FMNL3: variants seen among roughly 807,000 people sequenced by gnomAD.
FMNL3 encodes formin-like protein 3.
Under a neutral mutation model 119.6 loss-of-function variants are expected in FMNL3, and 57 were observed. The ratio of observed to expected loss-of-function variants is 0.48; its 90% CI spans 0.39 to 0.59. The LOEUF is 0.59. FMNL3 is among the 20% of genes least tolerant of loss of function. The pLI is 0.00. For missense variants in FMNL3, 1,053 were observed against 1,323.5 expected (o/e 0.80, Z 3.17); for synonymous variants, 491 against 507.3 (o/e 0.97, Z 0.43).
chr12:49,701,958 G>A (rs1944921116), intron 1 of FMNL3, among the ~76,000 whole-genome samples: 1 of 151,920 alleles, frequency 6.6e-6, no homozygotes, highest in African/African-American at 2.4e-5. Flanking sequence ...ACTAGCCTGG[G>A]AAAACTAATG....
At chr12:49,702,828 C>T (rs1011594311) in intron 1 of FMNL3, among the ~76,000 whole-genome samples, 2 of 152,150 alleles carry the variant, frequency 1.3e-5, no homozygotes, top group African/African-American at 4.8e-5. Context: ...ACTAATTCAC[C>T]ACAATCCTGA....
At position 49,646,910 on chromosome 12, in the gene FMNL3, C is replaced by T. The variant is rs1943216861; in HGVS notation, c.2971G>A (p.Gly991Ser). ...EHRPVYEGKDGTIEDIITGLH... is the reference protein window; with the variant it reads ...EHRPVYEGKDSTIEDIITGLH... ...CCTGTGATGATGTCCTCGATGGTAC[C>T]ATCCTTCCCCTCATAAACAGGCCGG... Residue 991 changes from glycine to serine, a missense_variant, in exon 25 of 26, where the codon GGT becomes AGT. Around this residue, in one of 4 missense-constraint regions of FMNL3, gnomAD observed 324 missense variants for 380.9 expected, o/e 0.85. Coordinates refer to ENST00000335154, the MANE Select transcript of FMNL3 (RefSeq NM_175736.5). 1 of 1,613,930 alleles carries T rather than the reference C, an allele frequency of 6.2e-7. No individual in the cohort carries two copies. Among genetic ancestry groups the T allele is most frequent in the African/African-American group, 1.3e-5 (1 of 74,896 alleles).
Position 49,642,498 on chromosome 12 carries a change from C to A in FMNL3, c.*3317G>T, listed in dbSNP as rs1194906862. The A allele has an allele frequency of 6.3e-7, 1 of 1,580,606 alleles. No individual in the cohort carries two copies. The highest frequency in any genetic ancestry group is 2.2e-5 in the East Asian group (1 of 44,460). ...TCCAGTTCCCTTCCTTTCTCTGCCC[C>A]AGCCCTGCCCTGTGCTCATGGCGGT... On this transcript the variant is annotated 3_prime_UTR_variant, in exon 26 of 26. Coordinates refer to ENST00000335154, the MANE Select transcript of FMNL3 (RefSeq NM_175736.5). The surrounding 1 kb of genome is among the most constrained non-coding windows in gnomAD (Gnocchi z 5.8).
At chr12:49,681,377 A>G (rs752747185) in intron 1 of FMNL3, among the ~76,000 whole-genome samples, 11 of 151,922 alleles carry the variant, frequency 7.2e-5, no homozygotes, top group Non-Finnish European at 8.8e-5. Context: ...AAGTTTTTGT[A>G]TTTTTAGTAG....
intron 1 of FMNL3, among the ~76,000 whole-genome samples, chr12:49,675,071 G>A (rs552578244): frequency 1.3e-5 from 2 of 152,246 alleles, no homozygotes; most frequent in South Asian, 4.2e-4. Flanking sequence ...CCCAAAGTTG[G>A]TAAAGCCTCA....
Position 49,656,828 on chromosome 12 carries a change from A to G in FMNL3, c.786T>C (p.Asn262=). The change falls in exon 8 of 26, where the codon AAT becomes AAC. Residue 262 remains asparagine (N), a synonymous_variant. Transcript: ENST00000335154. ...NEIALSLNNK[N]PRTKALVLEL... is the part of the protein sequence containing the mutation. Reference sequence around the variant, plus strand: ...AGGGGAGGGAAGGAACTCACCTTGGATTCTTGTTATTGAGGCTAAGTGCAA... The same window carrying G: ...AGGGGAGGGAAGGAACTCACCTTGGGTTCTTGTTATTGAGGCTAAGTGCAA... 1 of 1,613,778 alleles carries G rather than the reference A, an allele frequency of 6.2e-7. No individual in the cohort carries two copies. Among genetic ancestry groups the G allele is most frequent in the Non-Finnish European group, 8.5e-7 (1 of 1,179,740 alleles).
intron 1 of FMNL3, among the ~76,000 whole-genome samples, chr12:49,672,447 T>A (rs1356060917): frequency 6.6e-6 from 1 of 152,024 alleles, no homozygotes; most frequent in Non-Finnish European, 1.5e-5. Context: ...CAGCAAAACA[T>A]CTAATAATAA....
At chr12:49,656,790 G>C (rs1290283171) in intron 8 of FMNL3, 33 bp downstream of exon 8, 3 of 1,575,928 alleles carry the variant, frequency 1.9e-6, no homozygotes, top group African/African-American at 1.3e-5. Context: ...GCCCTGGACA[G>C]AGTGGGGAGG....
Position 49,649,169 on chromosome 12 carries a change from G to A in FMNL3, c.2386-11C>T. The stretch of plus-strand genomic sequence containing the variant: ...CTTGGTATCCAGCAGCTAGGAGAGG[G>A]GGTGAGGGCGGTGCACAAGAGCTAA... On this transcript the variant is annotated splice_polypyrimidine_tract_variant and intron_variant, in intron 20 of 25. Transcript: ENST00000335154. This position sits in a 1 kb window ranked among gnomAD's most constrained non-coding sequence, Gnocchi z 5.6. 6.2e-7 allele frequency: 1 copy of A among 1,612,100 alleles called. No individual in the cohort carries two copies. The highest frequency in any genetic ancestry group is 1.1e-5 in the South Asian group (1 of 90,682).
chr12:49,699,083 T>C (rs1334778626), intron 1 of FMNL3, among the ~76,000 whole-genome samples: 4 of 152,336 alleles, frequency 2.6e-5, no homozygotes, highest in East Asian at 1.9e-4. Flanking sequence ...GGCTCTGCTA[T>C]TGCTCAGCTC....
chr12:49,685,787 C>T (rs759713127), intron 1 of FMNL3, among the ~76,000 whole-genome samples: 1 of 152,218 alleles, frequency 6.6e-6, no homozygotes, highest in African/African-American at 2.4e-5. Context: ...CTATTTAAGG[C>T]TGGGTGCGGT....
Position 49,647,335 on chromosome 12 carries a change from G to C in FMNL3, c.2812C>G (p.Gln938Glu). The change falls in exon 24 of 26, where the codon CAG becomes GAG. Residue 938 changes from glutamine (Q) to glutamate (E), a missense_variant. Gln to Glu is a conservative substitution (Grantham distance 29). Transcript: ENST00000335154. The surrounding 1 kb of genome is among the most constrained non-coding windows in gnomAD (Gnocchi z 4.9). Reference sequence around the variant, plus strand: ...TGCTTCTCCCGCATTACCTCCTCCTGCTTCTTGCGGGCTTCATTCTCTTGT... The same window carrying C: ...TGCTTCTCCCGCATTACCTCCTCCTCCTTCTTGCGGGCTTCATTCTCTTGT... ...AEQENEARKK[Q>E]EEVMREKQLA... is the part of the protein sequence containing the mutation. 3 of 1,613,634 alleles carry C rather than the reference G, an allele frequency of 1.9e-6. No homozygotes were observed. The highest frequency in any genetic ancestry group is 1.1e-5 in the South Asian group (1 of 91,078).
At position 49,637,340 on chromosome 12, in the gene FMNL3, C is replaced by T. The variant is rs1941965833; in HGVS notation, c.*8475G>A. 6.2e-6 allele frequency: 4 copies of T among 642,502 alleles called. No individual in the cohort carries two copies. The highest frequency in any genetic ancestry group is 2.5e-4 in the Middle Eastern group (1 of 4,024). The allele number at this position is 642,502 out of a possible 1,614,324, so 39.8% of individuals were successfully genotyped here. A position where few individuals can be genotyped will look rare whatever the true frequency, so the allele number is the denominator to read the frequency against. ...TTCCATCTGCATCTCTTCATCTCTG[C>T]CTCTCTTGCCTGCATTTCCTCAATC... On this transcript the variant is annotated 3_prime_UTR_variant, in exon 26 of 26. Coordinates refer to ENST00000335154, the MANE Select transcript of FMNL3 (RefSeq NM_175736.5).
intron 1 of FMNL3, among the ~76,000 whole-genome samples, chr12:49,703,098 C>T (rs948511062): frequency 3.3e-5 from 5 of 152,216 alleles, no homozygotes; most frequent in African/African-American, 1.2e-4. Flanking sequence ...CTGAAAGCCT[C>T]CTCCTAAGGG....
rs1186984870 is a variant in FMNL3, at chr12:49,700,330, T to C, written c.126+6725A>G. On this transcript the variant is annotated intron_variant, in intron 1 of 25. Transcript: ENST00000335154. ...TGGTGTGAACCCGGGAGGCAGAGCT[T>C]GTAGTGAGCCGAGATCGAGCCACTG... Among the ~76,000 whole-genome samples the C allele has an allele frequency of 4.1e-5, 6 of 144,982 alleles. No individual in the cohort carries two copies. In the Admixed American group the frequency reaches 4.2e-4, roughly 10 times the overall value.
In FMNL3 at chr12:49,643,281, G is replaced by C. The variant is rs973992003; in HGVS notation, c.*2534C>G. On this transcript the variant is annotated 3_prime_UTR_variant, in exon 26 of 26. Transcript: ENST00000335154. Reference sequence around the variant, plus strand: ...CCATCTCTCCGGCCCCCCAAGCGGAGGAGGCGGAACCCCTCAGAGTCAGGC... The same window carrying C: ...CCATCTCTCCGGCCCCCCAAGCGGACGAGGCGGAACCCCTCAGAGTCAGGC... 6.2e-6 allele frequency: 10 copies of C among 1,613,976 alleles called. No individual in the cohort carries two copies. Among genetic ancestry groups the C allele is most frequent in the Non-Finnish European group, 8.5e-6 (10 of 1,179,986 alleles).
chr12:49,653,973 C>A, intron 11 of FMNL3, 99 bp from the exon 12 acceptor site: 1 of 1,466,672 alleles, frequency 6.8e-7, no homozygotes, highest in Admixed American at 2.1e-5. Context: ...TTCGCCACCA[C>A]TTCCCAAAGA....
At chr12:49,660,862 T>TGA (rs1318608917) in intron 5 of FMNL3, among the ~76,000 whole-genome samples, 2 of 152,324 alleles carry the variant, frequency 1.3e-5, no homozygotes, top group East Asian at 1.9e-4. Context: ...TCAGCAAGGC[T>TGA]GAGGCAGGAC....
chr12:49,671,260 G>T (rs1944039031), intron 1 of FMNL3, among the ~76,000 whole-genome samples: 1 of 152,260 alleles, frequency 6.6e-6, no homozygotes, highest in South Asian at 2.1e-4. Flanking sequence ...GAGCATGGAA[G>T]AGGCACAGCA....
Sources: allele counts gnomAD v4.1 joint callset (sites outside exome capture counted in the v4.1 genomes callset), GRCh38; gene constraint gnomAD v4.1.1; regional missense constraint gnomAD v4.1.1; non-coding constraint Gnocchi (gnomAD v3.1); transcripts MANE v1.5; gene names NCBI Gene and HGNC (gene_info 2026-07-23, HGNC 2026-07-21).